The following CDH8 variants were observed in gnomAD, a reference collection of about 807,000 sequenced individuals.
CDH8 encodes cadherin-8.
Under a neutral mutation model 68.1 loss-of-function variants are expected in CDH8, and 17 were observed. The observed-to-expected ratio is 0.25, with a 90% confidence interval of 0.17 to 0.37. The LOEUF is 0.37. Ranked by LOEUF, CDH8 falls within the 10% of genes least tolerant of loss-of-function variation. The pLI, the probability that CDH8 is intolerant of heterozygous loss-of-function variation, is 1.00. For synonymous variants in CDH8, 372 were observed against 365.1 expected, an observed-to-expected ratio of 1.02 and a Z score of -0.21; for missense variants, 763 against 999.3, an observed-to-expected ratio of 0.76 and a Z score of 3.19.
At chr16:61,670,062 C>A (rs1292832748) in intron 10 of CDH8, among the ~76,000 whole-genome samples, 1 of 151,962 alleles carries the variant, frequency 6.6e-6, no homozygotes, top group Non-Finnish European at 1.5e-5. Context: ...ATATTGATTG[C>A]CTATTTTTTC....
In CDH8 at chr16:62,019,623, G is replaced by A. The variant is rs1902023830; in HGVS notation, c.252+1529C>T. ...TTTTTTGCAGCAAAATATATGAACA[G>A]TCACAATTACGCACTATGACTATAA... On this transcript the variant is annotated intron_variant, in intron 2 of 11. Coordinates refer to ENST00000577390, the MANE Select transcript of CDH8 (RefSeq NM_001796.5). 2.0e-5 allele frequency among the ~76,000 whole-genome samples: 3 copies of A among 152,096 alleles called. No individual in the cohort carries two copies. The South Asian group carries it at 6.2e-4, about 32-fold the overall frequency.
At chr16:62,016,933 A>C (rs931375657) in intron 2 of CDH8, among the ~76,000 whole-genome samples, 5 of 152,198 alleles carry the variant, frequency 3.3e-5, no homozygotes, top group Non-Finnish European at 7.3e-5. Context: ...CATTTTCTTC[A>C]TGCCCACTAC....
chr16:61,715,663 G>A lies in CDH8; in HGVS notation c.1537-1705C>T, dbSNP rs548169826. The stretch of plus-strand genomic sequence containing the variant: ...GTTACTCAATGACCCAACATGATCA[G>A]ACTAAAGGAGAATGCAATTATATTT... On this transcript the variant is annotated intron_variant, in intron 9 of 11. Coordinates refer to ENST00000577390, the MANE Select transcript of CDH8 (RefSeq NM_001796.5). Among the ~76,000 whole-genome samples, 4 of 151,580 alleles carry A rather than the reference G, an allele frequency of 2.6e-5. No individual in the cohort carries two copies. The South Asian group carries it at 8.3e-4, about 31-fold the overall frequency.
chr16:61,927,034 A>T (rs1307423210), intron 2 of CDH8, among the ~76,000 whole-genome samples: 1 of 151,890 alleles, frequency 6.6e-6, no homozygotes, highest in Non-Finnish European at 1.5e-5. Context: ...ATTCATATTC[A>T]TTTCTCTCCT....
chr16:61,695,918 T>C (rs552144713), intron 10 of CDH8, among the ~76,000 whole-genome samples: 118 of 152,270 alleles, frequency 7.7e-4, no homozygotes, highest in African/African-American at 2.7e-3. Context: ...AATTTTGATC[T>C]ATCTGTAGGG....
At chr16:61,890,009 T>A (rs1403359333) in intron 3 of CDH8, among the ~76,000 whole-genome samples, 1 of 152,198 alleles carries the variant, frequency 6.6e-6, no homozygotes, top group East Asian at 1.9e-4. Flanking sequence ...ACCAGAACAT[T>A]ACTTGAATAG....
At chr16:61,902,758 A>C (rs560872976) in intron 2 of CDH8, among the ~76,000 whole-genome samples, 42 of 152,272 alleles carry the variant, frequency 2.8e-4, no homozygotes, top group Non-Finnish European at 5.3e-4. Flanking sequence ...AAATAGCAAC[A>C]AAGATTCCAA....
intron 3 of CDH8, among the ~76,000 whole-genome samples, chr16:61,881,948 C>A (rs1421916209): frequency 3.3e-5 from 5 of 152,148 alleles, no homozygotes; most frequent in Non-Finnish European, 4.4e-5. Context: ...AGCATTTCCC[C>A]CTTTAAATTG....
intron 10 of CDH8, chr16:61,693,219 A>G (rs780384708): frequency 7.2e-5 from 11 of 152,182 alleles, no homozygotes; most frequent in Non-Finnish European, 1.2e-4. Flanking sequence ...TTGTCTTTCA[A>G]TATGATAAGG....
At chr16:61,938,236 G>T (rs956187963) in intron 2 of CDH8, among the ~76,000 whole-genome samples, 4 of 152,060 alleles carry the variant, frequency 2.6e-5, no homozygotes, top group African/African-American at 7.2e-5. Context: ...GATGAGGAAT[G>T]AATTAATTAC....
chr16:61,804,405 C>A (rs377116583), intron 7 of CDH8, among the ~76,000 whole-genome samples: 128 of 151,670 alleles, frequency 8.4e-4, no homozygotes, highest in East Asian at 4.0e-3. Flanking sequence ...CACAATTAAA[C>A]GAACTAGAAA....
intron 10 of CDH8, among the ~76,000 whole-genome samples, chr16:61,691,243 T>G (rs979010142): frequency 4.6e-5 from 7 of 152,104 alleles, no homozygotes; most frequent in African/African-American, 1.7e-4. Context: ...TTTTCTACTC[T>G]CAAGGCTTCT....
At chr16:61,708,114 C>A (rs961703159) in intron 10 of CDH8, among the ~76,000 whole-genome samples, 2 of 151,918 alleles carry the variant, frequency 1.3e-5, no homozygotes, top group Non-Finnish European at 2.9e-5. Flanking sequence ...AAGCATGTAC[C>A]AATTTATTTT....
intron 8 of CDH8, among the ~76,000 whole-genome samples, chr16:61,782,002 G>A (rs1961069991): frequency 6.6e-6 from 1 of 152,306 alleles, no homozygotes; most frequent in South Asian, 2.1e-4. Context: ...CCAGAGTTTG[G>A]CAGTGTTGAA....
intron 9 of CDH8, 61 bp downstream of exon 9, chr16:61,727,032 TA>T: frequency 6.5e-7 from 1 of 1,537,522 alleles, no homozygotes; most frequent in South Asian, 1.1e-5. Context: ...TAATGCAGGT[TA>T]GTCAAATATG....
chr16:61,953,325 A>G (rs1352478731), intron 2 of CDH8, among the ~76,000 whole-genome samples: 1 of 152,172 alleles, frequency 6.6e-6, no homozygotes, highest in African/African-American at 2.4e-5. Flanking sequence ...AGCTTTCCAT[A>G]TTTCTCATAC....
chr16:61,921,020 C>T (rs1010285740), intron 2 of CDH8, among the ~76,000 whole-genome samples: 6 of 145,222 alleles, frequency 4.1e-5, no homozygotes, highest in South Asian at 2.2e-4. Context: ...AACCAAACAC[C>T]GCATATTCTC....
chr16:61,961,846 C>T (rs1325151058), intron 2 of CDH8, among the ~76,000 whole-genome samples: 1 of 151,936 alleles, frequency 6.6e-6, no homozygotes, highest in African/African-American at 2.4e-5. Flanking sequence ...TACAGTTGAC[C>T]CTTGAACAAT....
chr16:61,933,720 T>C (rs1020680863), intron 2 of CDH8, among the ~76,000 whole-genome samples: 3 of 151,618 alleles, frequency 2.0e-5, no homozygotes, highest in African/African-American at 7.3e-5. Flanking sequence ...GTGGTGATTT[T>C]TTTTGTTTGT....
Sources: allele counts gnomAD v4.1 joint callset (sites outside exome capture counted in the v4.1 genomes callset), GRCh38; gene constraint gnomAD v4.1.1; transcripts MANE v1.5; gene names NCBI Gene and HGNC (gene_info 2026-07-23, HGNC 2026-07-21).